Variants in HMBOX1 observed in about 807,000 individuals in gnomAD.
The protein encoded by HMBOX1 is homeobox-containing protein 1.
A neutral mutation model predicts 54.5 loss-of-function variants in HMBOX1; 14 were observed. The observed-to-expected ratio is 0.26, with a 90% CI of 0.17 to 0.40. The LOEUF (loss-of-function observed/expected upper bound fraction) is 0.40. Ranked by LOEUF, HMBOX1 falls within the 10% of genes least tolerant of loss-of-function variation. The probability of loss-of-function intolerance (pLI) is 1.00; values close to 1 mark genes in which losing one functional copy is unlikely to be tolerated. For synonymous variants in HMBOX1, 160 were observed against 181.0 expected, an observed-to-expected ratio of 0.88 and a Z score of 0.93; for missense variants, 332 against 514.4, an observed-to-expected ratio of 0.65 and a Z score of 3.43.
chr8:28,929,403 G>A (rs1303712421), intron 1 of HMBOX1, among the ~76,000 whole-genome samples: 1 of 152,192 alleles, frequency 6.6e-6, no homozygotes, highest in Non-Finnish European at 1.5e-5. Flanking sequence ...ATCAAATAAA[G>A]GTGATGGTAG....
At chr8:28,904,776 C>T (rs1235937858) in intron 1 of HMBOX1, among the ~76,000 whole-genome samples, 1 of 151,580 alleles carries the variant, frequency 6.6e-6, no homozygotes, top group Non-Finnish European at 1.5e-5. Context: ...CCTGGGTTCA[C>T]ACCATTCTCC....
intron 4 of HMBOX1, among the ~76,000 whole-genome samples, chr8:28,987,482 T>G (rs1363566883): frequency 6.6e-6 from 1 of 152,188 alleles, no homozygotes; most frequent in Non-Finnish European, 1.5e-5. Context: ...TCAGCTGTAG[T>G]CTGTTAGTCT....
Position 28,895,674 on chromosome 8 carries a change from C to CAAAAA in HMBOX1, c.-58+5005_-58+5009dup, listed in dbSNP as rs544463520. The stretch of plus-strand genomic sequence containing the variant: ...TGGGCAACAGAGTGAGACTCAGTCT[C>CAAAAA]AAAAAAAAAAAAATTTTGATAATGT... On this transcript the variant is annotated intron_variant, in intron 1 of 9. Transcript: ENST00000287701. Among the ~76,000 whole-genome samples, 595 of 137,304 alleles carry CAAAAA rather than the reference C, an allele frequency of 4.3e-3. 7 individuals carry two copies. The highest frequency in any genetic ancestry group is 0.015 in the African/African-American group (552 of 36,890). The allele number at this position is 137,304 out of a possible 152,430, so 90.1% of individuals were successfully genotyped here.
intron 1 of HMBOX1, among the ~76,000 whole-genome samples, chr8:28,941,709 G>C (rs1821446423): frequency 6.6e-6 from 1 of 152,050 alleles, no homozygotes; most frequent in Non-Finnish European, 1.5e-5. Flanking sequence ...GTGAGCAGTA[G>C]CCTAAGTTTA....
intron 5 of HMBOX1, among the ~76,000 whole-genome samples, chr8:29,014,393 A>C (rs1171372395): frequency 6.6e-6 from 1 of 152,008 alleles, no homozygotes; most frequent in Non-Finnish European, 1.5e-5. Context: ...CCTGCATTCT[A>C]GTGTCTTTGT....
At chr8:28,974,322 G>A (rs1022592189) in intron 3 of HMBOX1, among the ~76,000 whole-genome samples, 8 of 152,026 alleles carry the variant, frequency 5.3e-5, no homozygotes, top group East Asian at 1.9e-4. Flanking sequence ...CCTGTTTTAC[G>A]TTTTAATGTT....
At chr8:28,999,397 T>C (rs1284643090) in intron 4 of HMBOX1, among the ~76,000 whole-genome samples, 2 of 152,186 alleles carry the variant, frequency 1.3e-5, no homozygotes, top group East Asian at 1.9e-4. Flanking sequence ...CTGAAGATCA[T>C]TGAGCTTTTT....
At chr8:28,919,971 TTGTGTGTGTGTG>T (rs5890431) in intron 1 of HMBOX1, among the ~76,000 whole-genome samples, 27 of 148,996 alleles carry the variant, frequency 1.8e-4, no homozygotes, top group East Asian at 1.8e-3. Context: ...AAGTGAAGTT[TTGTGTGTGTGTG>T]TGTGTGTGTG....
intron 4 of HMBOX1, among the ~76,000 whole-genome samples, chr8:28,982,714 C>A (rs1409778840): frequency 6.6e-6 from 1 of 152,092 alleles, no homozygotes; most frequent in Non-Finnish European, 1.5e-5. Context: ...CAACCTCCGC[C>A]TCCTGGGTTC....
chr8:28,939,619 C>G (rs1177919035), intron 1 of HMBOX1, among the ~76,000 whole-genome samples: 1 of 151,978 alleles, frequency 6.6e-6, no homozygotes, highest in Non-Finnish European at 1.5e-5. Context: ...AAGTAATTCT[C>G]CTGCCTCAGC....
chr8:28,903,257 G>C (rs182808862), intron 1 of HMBOX1, among the ~76,000 whole-genome samples: 9 of 152,382 alleles, frequency 5.9e-5, no homozygotes, highest in African/African-American at 1.7e-4. Context: ...GGTAGGATTT[G>C]TGAGGGGATC....
intron 6 of HMBOX1, among the ~76,000 whole-genome samples, chr8:29,041,003 G>A (rs2133301932): frequency 6.6e-6 from 1 of 152,084 alleles, no homozygotes; most frequent in South Asian, 2.1e-4. Flanking sequence ...TTTTCTAGCT[G>A]GTCCAAATAC....
chr8:29,045,282 A>G, intron 6 of HMBOX1, 79 bp from the exon 7 acceptor site: 1 of 1,087,252 alleles, frequency 9.2e-7, no homozygotes, highest in Non-Finnish European at 1.4e-6. Context: ...TACAGAATAT[A>G]TTTTTCAGTG....
intron 1 of HMBOX1, among the ~76,000 whole-genome samples, chr8:28,960,682 CTTTGTG>C (rs745560460): frequency 4.6e-5 from 6 of 131,498 alleles, no homozygotes; most frequent in Non-Finnish European, 6.5e-5. Context: ...GTTATTTGGT[CTTTGTG>C]TTTGTAACTC....
chr8:28,907,852 T>TC (rs201039845), intron 1 of HMBOX1, among the ~76,000 whole-genome samples: 4,565 of 150,534 alleles, frequency 0.03, 236 homozygotes, highest in African/African-American at 0.11. Flanking sequence ...TTTCTTTCTT[T>TC]TTTTTTTTTT....
intron 6 of HMBOX1, among the ~76,000 whole-genome samples, chr8:29,024,218 T>C (rs564599201): frequency 1.2e-4 from 18 of 152,220 alleles, no homozygotes; most frequent in Middle Eastern, 6.8e-3. Flanking sequence ...AAAAGGAGCA[T>C]GTAGAGAAAA....
intron 4 of HMBOX1, among the ~76,000 whole-genome samples, chr8:28,998,712 C>T (rs1832213193): frequency 6.6e-6 from 1 of 151,728 alleles, no homozygotes; most frequent in Non-Finnish European, 1.5e-5. Context: ...CTTTTTGTTC[C>T]TCTGTTTGAT....
intron 4 of HMBOX1, among the ~76,000 whole-genome samples, chr8:28,997,582 T>G (rs1414578529): frequency 6.6e-6 from 1 of 152,202 alleles, no homozygotes; most frequent in Non-Finnish European, 1.5e-5. Flanking sequence ...GGTCTCACTC[T>G]GTCGCCCAAG....
chr8:29,051,393 C>T lies in HMBOX1; in HGVS notation c.*238C>T. 1.6e-6 allele frequency: 1 copy of T among 644,652 alleles called. No individual in the cohort carries two copies. Among genetic ancestry groups the T allele is most frequent in the South Asian group, 1.8e-5 (1 of 57,112 alleles). The allele number at this position is 644,652 out of a possible 1,614,324, so 39.9% of individuals were successfully genotyped here. On this transcript the variant is annotated 3_prime_UTR_variant, in exon 10 of 10. Transcript: ENST00000287701. ...CCAACCAAACTTCCCTCTCCCAGCC[C>T]CCGAGGCTAGAAAATCTTGCTGCTC... is the stretch of plus-strand genomic sequence containing the variant.
Sources: allele counts gnomAD v4.1 joint callset (sites outside exome capture counted in the v4.1 genomes callset), GRCh38; gene constraint gnomAD v4.1.1; transcripts MANE v1.5; gene names NCBI Gene and HGNC (gene_info 2026-07-23, HGNC 2026-07-21).